FHOD3: variants seen among roughly 807,000 people sequenced by gnomAD.
FHOD3 encodes the protein formin homology 2 domain containing 3.
In FHOD3, 90 loss-of-function variants were observed where a neutral mutation model predicts 173.0. That is an observed-to-expected ratio of 0.52 (90% CI 0.44 to 0.62). The LOEUF is 0.62. FHOD3 is among the 20% of genes least tolerant of loss of function. The pLI is 0.00. For synonymous variants in FHOD3, 828 were observed against 823.0 expected, an observed-to-expected ratio of 1.01 and a Z score of -0.10; for missense variants, 1,945 against 2,034.7, an observed-to-expected ratio of 0.96 and a Z score of 0.85.
intron 5 of FHOD3, among the ~76,000 whole-genome samples, chr18:36,551,811 T>G (rs1284077447): frequency 1.3e-5 from 2 of 152,092 alleles, no homozygotes; most frequent in African/African-American, 4.8e-5. Context: ...GGTTGTAGAT[T>G]TGTGGTATTA....
chr18:36,692,774 T>G (rs1388483027), intron 16 of FHOD3, among the ~76,000 whole-genome samples: 17 of 152,232 alleles, frequency 1.1e-4, no homozygotes. Flanking sequence ...GCAACCCCCT[T>G]TGGTATATGG....
At position 36,718,147 on chromosome 18, in the gene FHOD3, G is replaced by A. The variant is rs959999549; in HGVS notation, c.2849G>A (p.Gly950Glu). 6.2e-7 allele frequency: 1 copy of A among 1,608,776 alleles called. No homozygotes were observed. The highest frequency in any genetic ancestry group is 8.5e-7 in the Non-Finnish European group (1 of 1,177,272). Residue 950 changes from glycine (G) to glutamate (E), a missense_variant, in exon 19 of 29, where the codon GGG becomes GAG. Gly to Glu is a moderately conservative substitution (Grantham distance 98, BLOSUM62 -2). Transcript: ENST00000590592. ...FAEKFNSGDL[G>E]RGSISPDAEP... ...GAGAAATTCAACAGTGGGGACCTGGGGAGAGGTTCCATCTCCCCTGATGCT... is the reference window on the plus strand; with the variant it reads ...GAGAAATTCAACAGTGGGGACCTGGAGAGAGGTTCCATCTCCCCTGATGCT...
intron 1 of FHOD3, among the ~76,000 whole-genome samples, chr18:36,323,490 C>T (rs2145017248): frequency 6.6e-6 from 1 of 152,312 alleles, no homozygotes; most frequent in South Asian, 2.1e-4. Context: ...CCTTTACCCA[C>T]CCCTTCCCAT....
chr18:36,496,433 C>T (rs759661400), intron 3 of FHOD3, among the ~76,000 whole-genome samples: 3 of 152,162 alleles, frequency 2.0e-5, no homozygotes, highest in Non-Finnish European at 4.4e-5. Flanking sequence ...CCTTCCTAAG[C>T]CTCTAGGTAG....
At chr18:36,299,053 T>TA (rs35450004) in intron 1 of FHOD3, among the ~76,000 whole-genome samples, 6 of 132,314 alleles carry the variant, frequency 4.5e-5, no homozygotes, top group East Asian at 2.9e-4. Flanking sequence ...AAAATTGATT[T>TA]AAAAAAAAAC....
intron 1 of FHOD3, among the ~76,000 whole-genome samples, chr18:36,317,972 A>G (rs1016171877): frequency 6.6e-6 from 1 of 152,154 alleles, no homozygotes; most frequent in African/African-American, 2.4e-5. Context: ...AGCACCATTT[A>G]TTAAATAGAG....
At chr18:36,358,115 A>G (rs928012056) in intron 2 of FHOD3, among the ~76,000 whole-genome samples, 1 of 152,198 alleles carries the variant, frequency 6.6e-6, no homozygotes, top group Non-Finnish European at 1.5e-5. Context: ...TCAGAAGTTA[A>G]ATTACATGTC....
At chr18:36,706,414 A>G (rs1431637281) in intron 17 of FHOD3, among the ~76,000 whole-genome samples, 1 of 152,008 alleles carries the variant, frequency 6.6e-6, no homozygotes, top group Non-Finnish European at 1.5e-5. Flanking sequence ...AAAAGATACC[A>G]CCCCAGTGGT....
At chr18:36,759,251 C>G (rs2042767797) in intron 26 of FHOD3, 110 bp downstream of exon 26, 2 of 1,194,580 alleles carry the variant, frequency 1.7e-6, no homozygotes, top group Admixed American at 2.0e-5. Context: ...GTGCTTTAAA[C>G]AATGCATGGA....
intron 3 of FHOD3, among the ~76,000 whole-genome samples, chr18:36,457,283 A>G (rs923585939): frequency 2.0e-4 from 31 of 152,112 alleles, no homozygotes; most frequent in African/African-American, 7.0e-4. Context: ...TTTTTTAATA[A>G]ATGTAATATG....
At chr18:36,590,161 G>A (rs2059165356) in intron 6 of FHOD3, among the ~76,000 whole-genome samples, 1 of 152,156 alleles carries the variant, frequency 6.6e-6, no homozygotes, top group Non-Finnish European at 1.5e-5. Context: ...CGTGGGCTGT[G>A]AATCTTAATA....
intron 14 of FHOD3, among the ~76,000 whole-genome samples, chr18:36,665,287 A>T (rs1025148336): frequency 6.6e-6 from 1 of 152,204 alleles, no homozygotes; most frequent in Admixed American, 6.5e-5. Context: ...ATTTCATTCA[A>T]CAAGTACTTA....
chr18:36,308,012 A>C (rs2092148448), intron 1 of FHOD3, among the ~76,000 whole-genome samples: 1 of 152,194 alleles, frequency 6.6e-6, no homozygotes, highest in African/African-American at 2.4e-5. Flanking sequence ...CAGTCTATGT[A>C]TGTACCATGA....
At chr18:36,486,506 G>T (rs2054199247) in intron 3 of FHOD3, among the ~76,000 whole-genome samples, 1 of 152,186 alleles carries the variant, frequency 6.6e-6, no homozygotes, top group Admixed American at 6.5e-5. Flanking sequence ...GGGACTAAAG[G>T]TGTGTGCCAC....
chr18:36,515,136 G>A (rs1380041936), intron 5 of FHOD3, among the ~76,000 whole-genome samples: 1 of 152,186 alleles, frequency 6.6e-6, no homozygotes, highest in Non-Finnish European at 1.5e-5. Context: ...GCTGGCAATG[G>A]GAGATGATGT....
chr18:36,440,592 C>T (rs556805003), intron 3 of FHOD3, among the ~76,000 whole-genome samples: 17 of 152,364 alleles, frequency 1.1e-4, no homozygotes, highest in African/African-American at 3.6e-4. Flanking sequence ...ACCAAGCCCC[C>T]AAGGGCCACC....
At chr18:36,553,939 A>T (rs1006095337) in intron 5 of FHOD3, among the ~76,000 whole-genome samples, 9 of 152,228 alleles carry the variant, frequency 5.9e-5, no homozygotes, top group Admixed American at 2.6e-4. Context: ...ACAACAAGAT[A>T]CCATCTCACA....
Position 36,625,517 on chromosome 18 carries a change from C to T in FHOD3, c.964C>T (p.Leu322Phe). Reference protein sequence around the residue: ...VEQLNIYEVALRHEDGDETTE... With the variant: ...VEQLNIYEVAFRHEDGDETTE... ...GCGTGCTCTGCTTTTCCAGGTGGCG[C>T]TCAGGCACGAGGATGGCGATGAGAC... is the stretch of plus-strand genomic sequence containing the variant. Residue 322 changes from leucine to phenylalanine, a missense_variant, in exon 10 of 29, where the codon CTC (leucine) becomes TTC (phenylalanine). Leu to Phe is a conservative substitution (Grantham distance 22). Coordinates refer to ENST00000590592, the MANE Select transcript of FHOD3 (RefSeq NM_001281740.3). The T allele has an allele frequency of 1.4e-6, 2 of 1,422,288 alleles. No individual in the cohort carries two copies. Among genetic ancestry groups the T allele is most frequent in the Non-Finnish European group, 1.9e-6 (2 of 1,073,590 alleles). The allele number at this position is 1,422,288 out of a possible 1,614,324, so 88.1% of individuals were successfully genotyped here.
intron 24 of FHOD3, among the ~76,000 whole-genome samples, chr18:36,752,410 G>A (rs2042441398): frequency 6.6e-6 from 1 of 152,200 alleles, no homozygotes; most frequent in South Asian, 2.1e-4. Flanking sequence ...GACAGTGGCA[G>A]GCTTGAGTAA....
Sources: gnomAD v4.1 joint callset for allele counts (sites outside exome capture counted in the v4.1 genomes callset) on GRCh38, gnomAD v4.1.1 for gene constraint, MANE v1.5 for transcripts, NCBI Gene and HGNC (gene_info 2026-07-23, HGNC 2026-07-21) for gene names.